HS3ST2: variants seen among roughly 807,000 people sequenced by gnomAD.
HS3ST2 encodes heparan sulfate-glucosamine 3-sulfotransferase 2, also known as heparan sulfate glucosamine 3-O-sulfotransferase 2.
HS3ST2 carries 17 observed loss-of-function variants against 26.3 expected under a neutral mutation model. The observed-to-expected ratio is 0.65, with a 90% CI of 0.44 to 0.97. The LOEUF (loss-of-function observed/expected upper bound fraction) is 0.97, where lower values mean the gene tolerates loss of function less well. Ranked by LOEUF, HS3ST2 falls within the 50% of genes least tolerant of loss-of-function variation. The probability of loss-of-function intolerance (pLI) is 0.00; values close to 1 mark genes in which losing one functional copy is unlikely to be tolerated. For synonymous variants in HS3ST2, 237 were observed against 219.2 expected (o/e 1.08, Z -0.72); for missense variants, 402 against 501.2 (o/e 0.80, Z 1.89).
intron 1 of HS3ST2, among the ~76,000 whole-genome samples, chr16:22,911,148 A>G (rs1902420569): frequency 6.6e-6 from 1 of 152,242 alleles, no homozygotes; most frequent in Non-Finnish European, 1.5e-5. Flanking sequence ...TATTAAGGAT[A>G]TATTTGTAAG....
At chr16:22,855,679 T>A (rs1901581976) in intron 1 of HS3ST2, among the ~76,000 whole-genome samples, 1 of 130,610 alleles carries the variant, frequency 7.7e-6, no homozygotes, top group African/African-American at 3.0e-5. Context: ...TCTCTCTGTC[T>A]GTCTCTCTGT....
intron 1 of HS3ST2, among the ~76,000 whole-genome samples, chr16:22,899,815 A>T (rs984483722): frequency 6.6e-6 from 1 of 152,244 alleles, no homozygotes; most frequent in Admixed American, 6.5e-5. Flanking sequence ...ACAGCATGGG[A>T]AAAACCCACC....
intron 1 of HS3ST2, among the ~76,000 whole-genome samples, chr16:22,858,401 G>A (rs148682274): frequency 6.6e-6 from 1 of 151,728 alleles, no homozygotes; most frequent in African/African-American, 2.4e-5. Flanking sequence ...AAGCATGCAT[G>A]TTTTGTTTGT....
intron 1 of HS3ST2, among the ~76,000 whole-genome samples, chr16:22,879,052 C>T (rs1901954812): frequency 6.6e-6 from 1 of 152,238 alleles, no homozygotes. Context: ...GGTCAGCTGG[C>T]CGCTTCATGC....
intron 1 of HS3ST2, among the ~76,000 whole-genome samples, chr16:22,907,365 G>A (rs950815357): frequency 2.0e-5 from 3 of 152,194 alleles, no homozygotes; most frequent in Non-Finnish European, 4.4e-5. Context: ...GAAAGCTTAG[G>A]ATACATGATT....
rs145917106 is a variant in HS3ST2, at chr16:22,835,854, T to A, written c.485+20759T>A. 9.0e-4 allele frequency among the ~76,000 whole-genome samples: 137 copies of A among 152,256 alleles called. 3 individuals carry two copies. The East Asian group carries it at 0.025, about 28-fold the overall frequency. On this transcript the variant is annotated intron_variant, in intron 1 of 1. Transcript: ENST00000261374. ...CTCAGCAGCAACTTAGCTTCTTTAT[T>A]AAATGAAGAAAATGAATTGACTAAG... is the stretch of plus-strand genomic sequence containing the variant.
At chr16:22,871,272 C>T (rs561201715) in intron 1 of HS3ST2, among the ~76,000 whole-genome samples, 52 of 151,616 alleles carry the variant, frequency 3.4e-4, no homozygotes, top group African/African-American at 1.2e-3. Flanking sequence ...AGAAGAATTG[C>T]TTGAACCCGG....
chr16:22,882,914 C>A (rs1902009588), intron 1 of HS3ST2, among the ~76,000 whole-genome samples: 1 of 150,794 alleles, frequency 6.6e-6, no homozygotes, highest in South Asian at 2.1e-4. Flanking sequence ...GCCTATAGTC[C>A]CAGCTACTTG....
At chr16:22,861,718 T>C (rs748861474) in intron 1 of HS3ST2, among the ~76,000 whole-genome samples, 10 of 152,180 alleles carry the variant, frequency 6.6e-5, no homozygotes, top group Non-Finnish European at 1.3e-4. Context: ...ACATCTCTTA[T>C]TGTGGCCTCC....
intron 1 of HS3ST2, among the ~76,000 whole-genome samples, chr16:22,830,123 G>A (rs904534603): frequency 3.3e-5 from 5 of 150,040 alleles, no homozygotes; most frequent in African/African-American, 1.2e-4. Context: ...ACTCGCTGTA[G>A]GATGTTGAGT....
chr16:22,832,704 T>G (rs1901191361), intron 1 of HS3ST2, among the ~76,000 whole-genome samples: 1 of 151,398 alleles, frequency 6.6e-6, no homozygotes, highest in South Asian at 2.1e-4. Context: ...GATAAAAAGA[T>G]CCAACTGAAG....
intron 1 of HS3ST2, among the ~76,000 whole-genome samples, chr16:22,866,557 C>A (rs1901755618): frequency 6.6e-6 from 1 of 152,068 alleles, no homozygotes; most frequent in Non-Finnish European, 1.5e-5. Context: ...ATCACTTGAG[C>A]CCAGGAGTTT....
intron 1 of HS3ST2, among the ~76,000 whole-genome samples, chr16:22,898,004 GA>G (rs1196821190): frequency 1.3e-5 from 2 of 152,218 alleles, no homozygotes; most frequent in African/African-American, 4.8e-5. Flanking sequence ...CACACTTTGG[GA>G]AATTCTTTCT....
chr16:22,831,501 T>C (rs1901167654), intron 1 of HS3ST2, among the ~76,000 whole-genome samples: 1 of 152,204 alleles, frequency 6.6e-6, no homozygotes, highest in African/African-American at 2.4e-5. Context: ...TAGGTCTCCT[T>C]CCCTGGATCG....
intron 1 of HS3ST2, among the ~76,000 whole-genome samples, chr16:22,864,110 C>A (rs1901715990): frequency 6.6e-6 from 1 of 152,188 alleles, no homozygotes; most frequent in Admixed American, 6.5e-5. Context: ...GGATTCAGAT[C>A]CTTTGATCTG....
At chr16:22,884,504 A>G (rs1902033273) in intron 1 of HS3ST2, among the ~76,000 whole-genome samples, 1 of 151,958 alleles carries the variant, frequency 6.6e-6, no homozygotes, top group Admixed American at 6.6e-5. Context: ...TTCTATCCAT[A>G]ATAGAAGGAG....
chr16:22,887,670 G>A (rs1044602780), intron 1 of HS3ST2, among the ~76,000 whole-genome samples: 2 of 152,094 alleles, frequency 1.3e-5, no homozygotes. Context: ...CTCACATGAT[G>A]AAGGCTGTGA....
intron 1 of HS3ST2, among the ~76,000 whole-genome samples, chr16:22,877,824 G>A (rs1051675243): frequency 4.6e-5 from 7 of 152,184 alleles, no homozygotes; most frequent in African/African-American, 1.4e-4. Flanking sequence ...AGACAGTGCC[G>A]TGTAATGAGT....
intron 1 of HS3ST2, among the ~76,000 whole-genome samples, chr16:22,842,066 T>G (rs1223494638): frequency 9.0e-6 from 1 of 110,942 alleles, no homozygotes; most frequent in Non-Finnish European, 2.1e-5. Flanking sequence ...TTCTTTCTTT[T>G]TTTTTTTTTT....
Sources: allele counts gnomAD v4.1 joint callset (sites outside exome capture counted in the v4.1 genomes callset), GRCh38; gene constraint gnomAD v4.1.1; transcripts MANE v1.5; gene names NCBI Gene and HGNC (gene_info 2026-07-23, HGNC 2026-07-21).